The following PRR16 variants were observed in gnomAD, a reference collection of about 807,000 sequenced individuals.
PRR16 encodes the protein protein Largen.
PRR16 carries 6 observed loss-of-function variants against 18.2 expected under a neutral mutation model. The ratio of observed to expected loss-of-function variants is 0.33; its 90% CI spans 0.18 to 0.65. PRR16 has a LOEUF of 0.65. Among genes scored for constraint, PRR16 ranks in the 30% least tolerant of loss-of-function variants. The pLI, the probability that PRR16 is intolerant of heterozygous loss-of-function variation, is 0.74. For missense variants in PRR16, 412 were observed against 376.6 expected, an observed-to-expected ratio of 1.09 and a Z score of -0.78; for synonymous variants, 151 against 147.8, an observed-to-expected ratio of 1.02 and a Z score of -0.16.
chr5:120,496,531 T>C (rs1013274826), intron 1 of PRR16, among the ~76,000 whole-genome samples: 1 of 152,058 alleles, frequency 6.6e-6, no homozygotes, highest in African/African-American at 2.4e-5. Flanking sequence ...TGTTTAGATA[T>C]CTTCAAGACT....
chr5:120,576,399 C>G (rs372219321), intron 1 of PRR16, among the ~76,000 whole-genome samples: 1 of 152,010 alleles, frequency 6.6e-6, no homozygotes, highest in African/African-American at 2.4e-5. Context: ...AAGTGACCAA[C>G]AAGTATATGA....
At chr5:120,530,915 G>A (rs977704844) in intron 1 of PRR16, among the ~76,000 whole-genome samples, 3 of 152,168 alleles carry the variant, frequency 2.0e-5, no homozygotes, top group African/African-American at 7.2e-5. Context: ...GAGTAAGATA[G>A]AATCTTGCAA....
At chr5:120,769,566 A>G in the PRR16 span, among the ~76,000 whole-genome samples, 1 of 151,748 alleles carries the variant, frequency 6.6e-6, no homozygotes, top group Non-Finnish European at 1.5e-5. Flanking sequence ...GTCAAGTAAT[A>G]TTTCATTCTA....
intron 1 of PRR16, among the ~76,000 whole-genome samples, chr5:120,668,272 G>A (rs1164304309): frequency 2.0e-5 from 3 of 151,112 alleles, no homozygotes; most frequent in African/African-American, 7.3e-5. Context: ...GACTAGGATT[G>A]CAACCCCTGC....
At chr5:120,464,910 C>G (rs1438531903) in intron 1 of PRR16, among the ~76,000 whole-genome samples, 1 of 151,968 alleles carries the variant, frequency 6.6e-6, no homozygotes, top group East Asian at 1.9e-4. Flanking sequence ...ACGCGTGTCT[C>G]TGAATCTGTG....
chr5:120,576,290 A>T (rs1217326424), intron 1 of PRR16, among the ~76,000 whole-genome samples: 7 of 152,152 alleles, frequency 4.6e-5, no homozygotes, highest in Admixed American at 4.6e-4. Context: ...TATATAAAAG[A>T]CTCAAACAAC....
intron 1 of PRR16, among the ~76,000 whole-genome samples, chr5:120,675,392 G>C (rs1756761611): frequency 1.3e-5 from 2 of 152,068 alleles, no homozygotes; most frequent in South Asian, 4.1e-4. Flanking sequence ...GAAAGAGTGT[G>C]GGGCCATTAG....
At chr5:120,596,715 G>A (rs1028193439) in intron 1 of PRR16, among the ~76,000 whole-genome samples, 1 of 151,132 alleles carries the variant, frequency 6.6e-6, no homozygotes, top group African/African-American at 2.4e-5. Flanking sequence ...CCCTTTCTCT[G>A]TCCCTGCATG....
intron 1 of PRR16, among the ~76,000 whole-genome samples, chr5:120,539,831 TAGG>T (rs1398659946): frequency 1.6e-4 from 24 of 151,940 alleles, no homozygotes; most frequent in African/African-American, 5.8e-4. Context: ...GTATGAATAT[TAGG>T]TTTTTTTTTC....
At chr5:120,764,420 TATTTA>T in the PRR16 span, among the ~76,000 whole-genome samples, 4 of 152,056 alleles carry the variant, frequency 2.6e-5, no homozygotes, top group African/African-American at 9.7e-5. Flanking sequence ...ACTTGATCAT[TATTTA>T]ATTTTTTTTT....
the PRR16 span, among the ~76,000 whole-genome samples, chr5:120,708,125 T>A: frequency 6.6e-6 from 1 of 152,248 alleles, no homozygotes; most frequent in South Asian, 2.1e-4. Context: ...TCAGTATTTC[T>A]GATGACAGTG....
chr5:120,678,134 C>T (rs1756865345), intron 1 of PRR16, among the ~76,000 whole-genome samples: 1 of 152,066 alleles, frequency 6.6e-6, no homozygotes, highest in South Asian at 2.1e-4. Flanking sequence ...TGGTGTCGAT[C>T]TCCTGACCTG....
chr5:120,753,926 AAAT>A, the PRR16 span, among the ~76,000 whole-genome samples: 8 of 29,648 alleles, frequency 2.7e-4, no homozygotes, highest in East Asian at 4.3e-3. Context: ...AAATGTATAT[AAAT>A]ATTATATATA....
At chr5:120,667,849 T>C (rs1474142218) in intron 1 of PRR16, among the ~76,000 whole-genome samples, 1 of 152,174 alleles carries the variant, frequency 6.6e-6, no homozygotes, top group East Asian at 1.9e-4. Context: ...TTCTTTTACA[T>C]TTGCTGAGGA....
At chr5:120,742,739 T>C in the PRR16 span, among the ~76,000 whole-genome samples, 1 of 152,196 alleles carries the variant, frequency 6.6e-6, no homozygotes, top group South Asian at 2.1e-4. Flanking sequence ...AATAAATATA[T>C]TATTTGTTAA....
intron 1 of PRR16, among the ~76,000 whole-genome samples, chr5:120,640,079 G>A (rs1431112639): frequency 6.6e-6 from 1 of 152,020 alleles, no homozygotes. Context: ...TTATAAGTGG[G>A]AGCTAAGCAT....
At chr5:120,740,982 TAC>T in the PRR16 span, among the ~76,000 whole-genome samples, 1 of 152,008 alleles carries the variant, frequency 6.6e-6, no homozygotes, top group African/African-American at 2.4e-5. Context: ...TATTAATATA[TAC>T]CTCAATGTAT....
intron 1 of PRR16, among the ~76,000 whole-genome samples, chr5:120,520,610 C>T (rs917418279): frequency 6.6e-6 from 1 of 152,118 alleles, no homozygotes; most frequent in African/African-American, 2.4e-5. Flanking sequence ...ACTTTTACTA[C>T]TTGTAGCGCA....
the PRR16 span, among the ~76,000 whole-genome samples, chr5:120,742,777 GA>G: frequency 6.6e-6 from 1 of 152,094 alleles, no homozygotes; most frequent in South Asian, 2.1e-4. Flanking sequence ...AGTCCACAAT[GA>G]GTCTCATGGA....
Sources: allele counts gnomAD v4.1 joint callset (sites outside exome capture counted in the v4.1 genomes callset), GRCh38; gene constraint gnomAD v4.1.1; transcripts MANE v1.5; gene names NCBI Gene and HGNC (gene_info 2026-07-23, HGNC 2026-07-21).